ZNF777: variants seen among roughly 807,000 people sequenced by gnomAD.
ZNF777 encodes the protein zinc finger protein 777.
In ZNF777, 7 loss-of-function variants were observed where a neutral mutation model predicts 72.1. The observed-to-expected ratio is 0.10, with a 90% CI of 0.06 to 0.18. The LOEUF (loss-of-function observed/expected upper bound fraction) is 0.18. Among genes scored for constraint, ZNF777 ranks in the 10% least tolerant of loss-of-function variants. The probability of loss-of-function intolerance (pLI) is 1.00; values close to 1 mark genes in which losing one functional copy is unlikely to be tolerated. For synonymous variants in ZNF777, 545 were observed against 483.5 expected (o/e 1.13, Z -1.67); for missense variants, 828 against 1,128.6 (o/e 0.73, Z 3.82).
At chr7:149,434,021 A>AGAGT (rs1403995799) in intron 5 of ZNF777, among the ~76,000 whole-genome samples, 1 of 133,308 alleles carries the variant, frequency 7.5e-6, no homozygotes, top group African/African-American at 3.2e-5. Context: ...AGACCTTTTC[A>AGAGT]GAGTACTCAT....
chr7:149,439,226 T>G (rs1410677636), intron 4 of ZNF777, among the ~76,000 whole-genome samples: 1 of 152,070 alleles, frequency 6.6e-6, no homozygotes, highest in Non-Finnish European at 1.5e-5. Context: ...CTGTCTTCAA[T>G]CCTTGTCTCT....
Position 149,455,584 on chromosome 7 carries a change from G to A in ZNF777, c.439C>T (p.Pro147Ser). ...AGCAGCGGGTCCATGTCAGTCTCGG[G>A]AACTGTTGGGGAAAGGGTCAGGGGG... Reference protein sequence around the residue: ...KDPLTLSPTVPETDMDPLLQS... With the variant: ...KDPLTLSPTVSETDMDPLLQS... Residue 147 changes from proline to serine, a missense_variant, in exon 2 of 6, where the codon CCC becomes TCC. Pro to Ser is a moderately conservative substitution (Grantham distance 74, BLOSUM62 -1). Transcript: ENST00000247930. This position sits in a 1 kb window ranked among gnomAD's most constrained non-coding sequence, Gnocchi z 4.2. 2 of 1,613,410 alleles carry A rather than the reference G, an allele frequency of 1.2e-6. No individual in the cohort carries two copies. Among genetic ancestry groups the A allele is most frequent in the African/African-American group, 1.3e-5 (1 of 74,860 alleles).
chr7:149,448,663 G>A lies in ZNF777; in HGVS notation c.1087+2336C>T, dbSNP rs142434217. 3.7e-4 allele frequency among the ~76,000 whole-genome samples: 54 copies of A among 146,312 alleles called. 1 individual carries two copies. The East Asian group carries it at 1.0e-2, about 27-fold the overall frequency. On this transcript the variant is annotated intron_variant, in intron 4 of 5. Coordinates refer to ENST00000247930, the MANE Select transcript of ZNF777 (RefSeq NM_015694.3). ...CTAGAAAGCATCAAATTGCTTTCTCGAGAGACTGAAATGATGAACCCTCTG... is the reference window on the plus strand; with the variant it reads ...CTAGAAAGCATCAAATTGCTTTCTCAAGAGACTGAAATGATGAACCCTCTG...
intron 3 of ZNF777, among the ~76,000 whole-genome samples, chr7:149,452,054 A>G (rs1376978027): frequency 2.0e-5 from 3 of 152,026 alleles, no homozygotes; most frequent in African/African-American, 7.3e-5. Flanking sequence ...TCACAAGGTC[A>G]GGAGATCGAG....
At position 149,455,655 on chromosome 7, in the gene ZNF777, TG is replaced by T; in HGVS notation, c.367del (p.His123ThrfsTer18). The T allele has an allele frequency of 3.2e-6, 4 of 1,233,942 alleles. No homozygotes were observed. The highest frequency in any genetic ancestry group is 3.1e-6 in the Non-Finnish European group (3 of 953,560). The allele number at this position is 1,233,942 out of a possible 1,614,324, so 76.4% of individuals were successfully genotyped here. A position where few individuals can be genotyped will look rare whatever the true frequency, so the allele number is the denominator to read the frequency against. On this transcript the variant is annotated frameshift_variant, in exon 2 of 6. Coordinates refer to ENST00000247930, the MANE Select transcript of ZNF777 (RefSeq NM_015694.3). LOFTEE classifies it high-confidence loss of function. This position sits in a 1 kb window ranked among gnomAD's most constrained non-coding sequence, Gnocchi z 4.2. ...QEVSLLSHSP[H>X]HQEAPVHSPE... is the part of the protein sequence containing the mutation. ...GGAGTGAACGGGGGCTTCCTGGTGG[TG>T]GGGGGAGTGGGAGAGAAGGGAGACT... is the stretch of plus-strand genomic sequence containing the variant.
chr7:149,443,588 T>C (rs1165124187), intron 4 of ZNF777, among the ~76,000 whole-genome samples: 1 of 152,234 alleles, frequency 6.6e-6, no homozygotes, highest in Non-Finnish European at 1.5e-5. Flanking sequence ...TTTTTTAAAG[T>C]TATACATGCA....
Position 149,432,557 on chromosome 7 carries a change from C to T in ZNF777, c.1715G>A (p.Gly572Glu), listed in dbSNP as rs751676880. The T allele has an allele frequency of 2.5e-6, 4 of 1,613,752 alleles. No individual in the cohort carries two copies. The highest frequency in any genetic ancestry group is 3.4e-6 in the Non-Finnish European group (4 of 1,179,838). ...CTCGCATTCGGCGCACTCGTAGGGCCCCTCCTTGATGTGGTTGCGCTGGTG... is the reference window on the plus strand; with the variant it reads ...CTCGCATTCGGCGCACTCGTAGGGCTCCTCCTTGATGTGGTTGCGCTGGTG... ...IIHQRNHIKE[G>E]PYECAECEIS... Residue 572 changes from glycine to glutamate, a missense_variant, in exon 6 of 6, where the codon GGG becomes GAG. Physicochemically the swap from Gly to Glu is moderately conservative, Grantham distance 98. This residue lies in a region of ZNF777 where 22 missense variants were observed against 48.3 expected (regional missense o/e 0.46). Coordinates refer to ENST00000247930, the MANE Select transcript of ZNF777 (RefSeq NM_015694.3).
intron 3 of ZNF777, among the ~76,000 whole-genome samples, chr7:149,452,282 C>CAA (rs35627167): frequency 0.63 from 93,895 of 149,372 alleles, 29,925 homozygotes; most frequent in East Asian, 0.81. Flanking sequence ...AACAAACAAA[C>CAA]AAACAAACAA....
chr7:149,453,442 G>C (rs1563239677), intron 3 of ZNF777, among the ~76,000 whole-genome samples: 1 of 152,034 alleles, frequency 6.6e-6, no homozygotes, highest in Admixed American at 6.6e-5. Flanking sequence ...CCATATCAGA[G>C]AAACAGATAT....
At chr7:149,451,510 G>T (rs1048700643) in intron 3 of ZNF777, among the ~76,000 whole-genome samples, 8 of 152,048 alleles carry the variant, frequency 5.3e-5, no homozygotes, top group African/African-American at 1.7e-4. Context: ...GGTCAACATG[G>T]TGAAACCCCA....
intron 4 of ZNF777, 66 bp downstream of exon 4, chr7:149,450,933 T>C: frequency 2.8e-6 from 4 of 1,439,510 alleles, no homozygotes; most frequent in Non-Finnish European, 3.9e-6. Flanking sequence ...TGCTGCCTCA[T>C]GCTGGCGCTT....
intron 3 of ZNF777, 135 bp downstream of exon 3, chr7:149,453,976 T>C: frequency 4.4e-6 from 6 of 1,348,692 alleles, no homozygotes; most frequent in Non-Finnish European, 6.1e-6. Context: ...TTGCTTTAAT[T>C]TGTTGTGATC....
intron 4 of ZNF777, among the ~76,000 whole-genome samples, chr7:149,438,238 T>A (rs2116575610): frequency 6.6e-6 from 1 of 152,204 alleles, no homozygotes; most frequent in South Asian, 2.1e-4. Flanking sequence ...CCTCAAGTGA[T>A]CTGCCCACCT....
At chr7:149,450,382 C>T (rs1239095309) in intron 4 of ZNF777, among the ~76,000 whole-genome samples, 1 of 152,164 alleles carries the variant, frequency 6.6e-6, no homozygotes, top group Admixed American at 6.5e-5. Context: ...GATATTAGTG[C>T]CAGTTCTATT....
intron 1 of ZNF777, among the ~76,000 whole-genome samples, chr7:149,458,546 C>CAAAACAAAACAAAACAAAA (rs1799878848): frequency 6.6e-6 from 1 of 151,322 alleles, no homozygotes; most frequent in Non-Finnish European, 1.5e-5. Context: ...CAAAACAAAA[C>CAAAACAAAACAAAACAAAA]CCTCCAGTAT....
chr7:149,431,908 C>T lies in ZNF777; in HGVS notation c.2364G>A (p.Thr788=), dbSNP rs547933092. 3.1e-6 allele frequency: 5 copies of T among 1,592,576 alleles called. No homozygotes were observed. In the East Asian group the frequency reaches 9.2e-5, roughly 29 times the overall value. Residue 788 remains threonine (T), a synonymous_variant, in exon 6 of 6, where the codon ACG becomes ACA. Coordinates refer to ENST00000247930, the MANE Select transcript of ZNF777 (RefSeq NM_015694.3). ...YHCAECGKRF[T]QKHHLLEHQR... is the part of the protein sequence containing the mutation. The stretch of plus-strand genomic sequence containing the variant: ...GGTGCTCCAGCAGGTGATGCTTCTG[C>T]GTGAAGCGCTTGCCGCACTCGGCGC...
intron 4 of ZNF777, among the ~76,000 whole-genome samples, chr7:149,450,568 C>A (rs1799694511): frequency 1.3e-5 from 2 of 152,206 alleles, no homozygotes; most frequent in Admixed American, 1.3e-4. Flanking sequence ...TACATGCTGT[C>A]CTGCTGAAGC....
intron 2 of ZNF777, among the ~76,000 whole-genome samples, chr7:149,454,905 G>A (rs910839580): frequency 7.2e-5 from 11 of 152,040 alleles, no homozygotes; most frequent in South Asian, 2.1e-4. Context: ...GGCTCTCATC[G>A]GCCTTCGCTT....
In ZNF777 at chr7:149,457,662, C is replaced by T. The variant is rs562594525; in HGVS notation, c.-15-1625G>A. 2.1e-4 allele frequency among the ~76,000 whole-genome samples: 32 copies of T among 152,240 alleles called. No homozygotes were observed. The South Asian group carries it at 2.5e-3, about 12-fold the overall frequency. On this transcript the variant is annotated intron_variant, in intron 1 of 5. Transcript: ENST00000247930. ...AAGCCACGGATTGAATATTCAAGAT[C>T]CTATTCACAAAAGGTTTTTGAGATA...
Sources: allele counts gnomAD v4.1 joint callset (sites outside exome capture counted in the v4.1 genomes callset), GRCh38; gene constraint gnomAD v4.1.1; regional missense constraint gnomAD v4.1.1; non-coding constraint Gnocchi (gnomAD v3.1); transcripts MANE v1.5; gene names NCBI Gene and HGNC (gene_info 2026-07-23, HGNC 2026-07-21).